Variants in CMSS1 observed in about 807,000 individuals in gnomAD.
CMSS1 encodes protein CMSS1.
CMSS1 carries 33 observed loss-of-function variants against 43.5 expected under a neutral mutation model. That is an observed-to-expected ratio of 0.76 (90% confidence interval 0.57 to 1.01). The LOEUF (loss-of-function observed/expected upper bound fraction) is 1.01. CMSS1 is among the 50% of genes least tolerant of loss of function. The probability of loss-of-function intolerance (pLI) is 0.00; values close to 1 mark genes in which losing one functional copy is unlikely to be tolerated. For synonymous variants in CMSS1, 115 were observed against 117.2 expected, an observed-to-expected ratio of 0.98 and a Z score of 0.12; for missense variants, 313 against 326.4, an observed-to-expected ratio of 0.96 and a Z score of 0.32.
chr3:100,118,016 T>C (rs748262480), intron 1 of CMSS1, among the ~76,000 whole-genome samples: 5 of 151,064 alleles, frequency 3.3e-5, no homozygotes, highest in African/African-American at 7.3e-5. Flanking sequence ...ATTCCACTTA[T>C]ATAAGGTACC....
intron 1 of CMSS1, among the ~76,000 whole-genome samples, chr3:100,019,273 T>G (rs1013839087): frequency 2.0e-5 from 3 of 152,106 alleles, no homozygotes; most frequent in African/African-American, 7.2e-5. Flanking sequence ...GGCAGGAGGA[T>G]CTCTTCAGCC....
At chr3:99,942,265 A>G (rs1013442820) in intron 1 of CMSS1, among the ~76,000 whole-genome samples, 2 of 152,058 alleles carry the variant, frequency 1.3e-5, no homozygotes, top group Admixed American at 6.6e-5. Flanking sequence ...TGTTTATGTG[A>G]AGAATGTGCT....
chr3:100,030,531 G>T (rs947460570), intron 1 of CMSS1, among the ~76,000 whole-genome samples: 1 of 152,058 alleles, frequency 6.6e-6, no homozygotes, highest in Non-Finnish European at 1.5e-5. Flanking sequence ...TCTTTTCTCA[G>T]AACCTGTTTT....
intron 1 of CMSS1, among the ~76,000 whole-genome samples, chr3:100,065,605 A>C (rs960165046): frequency 2.0e-5 from 3 of 152,146 alleles, no homozygotes; most frequent in African/African-American, 7.2e-5. Context: ...CTAATGAAAA[A>C]AGTATTCACT....
intron 1 of CMSS1, among the ~76,000 whole-genome samples, chr3:99,839,088 T>C (rs868767896): frequency 6.6e-6 from 1 of 152,272 alleles, no homozygotes; most frequent in South Asian, 2.1e-4. Context: ...CACCTTTCTT[T>C]TTTCTCTATA....
intron 1 of CMSS1, among the ~76,000 whole-genome samples, chr3:99,861,621 G>A (rs757003216): frequency 3.0e-4 from 45 of 152,114 alleles, no homozygotes; most frequent in Non-Finnish European, 6.3e-4. Flanking sequence ...CCTTCTTTAA[G>A]ACAGGGATAA....
intron 1 of CMSS1, among the ~76,000 whole-genome samples, chr3:100,016,320 G>A (rs1284363991): frequency 1.3e-5 from 2 of 152,188 alleles, no homozygotes. Context: ...AGCCTCCCGA[G>A]TAGGTGGGAT....
chr3:100,175,751 C>T (rs1036369593), intron 8 of CMSS1, among the ~76,000 whole-genome samples: 3 of 152,092 alleles, frequency 2.0e-5, no homozygotes, highest in Non-Finnish European at 4.4e-5. Context: ...CCCTGAGGTC[C>T]CCTTCAGCCC....
At chr3:100,142,375 G>A (rs2066812546) in intron 1 of CMSS1, among the ~76,000 whole-genome samples, 2 of 152,074 alleles carry the variant, frequency 1.3e-5, no homozygotes, top group East Asian at 1.9e-4. Context: ...TACAGTGTAA[G>A]AACTCTATAC....
At chr3:100,104,789 A>G (rs1351724144) in intron 1 of CMSS1, among the ~76,000 whole-genome samples, 1 of 152,182 alleles carries the variant, frequency 6.6e-6, no homozygotes, top group East Asian at 1.9e-4. Flanking sequence ...GGATGAAAAG[A>G]GTCACCCCTG....
chr3:100,074,480 G>GATCTCTT (rs1408624502), intron 1 of CMSS1, among the ~76,000 whole-genome samples: 6 of 151,606 alleles, frequency 4.0e-5, no homozygotes, highest in Non-Finnish European at 5.9e-5. Flanking sequence ...TTTCTCTGTG[G>GATCTCTT]ATCTCTTATC....
intron 1 of CMSS1, among the ~76,000 whole-genome samples, chr3:100,033,842 G>A (rs2065061828): frequency 6.6e-6 from 1 of 152,078 alleles, no homozygotes; most frequent in South Asian, 2.1e-4. Context: ...CTGTCTCAGA[G>A]GAAACAATAT....
At chr3:100,148,439 G>T (rs1448293089) in intron 2 of CMSS1, among the ~76,000 whole-genome samples, 2 of 152,090 alleles carry the variant, frequency 1.3e-5, no homozygotes, top group Non-Finnish European at 2.9e-5. Flanking sequence ...ATTTTTCATT[G>T]CAACAATTTG....
At position 100,097,729 on chromosome 3, in the gene CMSS1, T is replaced by C. The variant is rs531080264; in HGVS notation, c.65-49244T>C. On this transcript the variant is annotated intron_variant, in intron 1 of 9. Coordinates refer to ENST00000421999, the MANE Select transcript of CMSS1 (RefSeq NM_032359.4). ...ATAGACTCTAATAATTAGTTCTGGA[T>C]TTGAATATTCTTCGTTATTTGGCAA... is the stretch of plus-strand genomic sequence containing the variant. Among the ~76,000 whole-genome samples, 10 of 152,338 alleles carry C rather than the reference T, an allele frequency of 6.6e-5. 1 individual carries two copies. In the South Asian group the frequency reaches 1.9e-3, roughly 28 times the overall value.
At chr3:99,957,885 T>G (rs1168468318) in intron 1 of CMSS1, among the ~76,000 whole-genome samples, 1 of 150,784 alleles carries the variant, frequency 6.6e-6, no homozygotes, top group Non-Finnish European at 1.5e-5. Flanking sequence ...GAAATGTCAT[T>G]TTTTAGATTC....
At chr3:99,861,563 T>C (rs2107556112) in intron 1 of CMSS1, among the ~76,000 whole-genome samples, 2 of 152,314 alleles carry the variant, frequency 1.3e-5, no homozygotes, top group South Asian at 4.1e-4. Context: ...GATTTTGTAC[T>C]CTCTGTGATC....
chr3:99,838,975 A>G (rs756714813), intron 1 of CMSS1, among the ~76,000 whole-genome samples: 7 of 152,114 alleles, frequency 4.6e-5, no homozygotes, highest in African/African-American at 9.7e-5. Context: ...TGCCCCAACC[A>G]TCTCAACTTC....
At chr3:100,005,850 CT>C (rs2107179244) in intron 1 of CMSS1, among the ~76,000 whole-genome samples, 1 of 152,294 alleles carries the variant, frequency 6.6e-6, no homozygotes, top group East Asian at 1.9e-4. Context: ...AAGAAGCTTT[CT>C]TTGGCTTCCA....
intron 1 of CMSS1, among the ~76,000 whole-genome samples, chr3:100,092,692 A>T (rs1487957720): frequency 6.8e-6 from 1 of 147,938 alleles, no homozygotes. Context: ...TGCTATTATT[A>T]TTTTAGGTTC....
Sources: allele counts gnomAD v4.1 joint callset (sites outside exome capture counted in the v4.1 genomes callset), GRCh38; gene constraint gnomAD v4.1.1; transcripts MANE v1.5; gene names NCBI Gene and HGNC (gene_info 2026-07-23, HGNC 2026-07-21).